KCNIP4: variants seen among roughly 807,000 people sequenced by gnomAD.
The protein encoded by KCNIP4 is Kv channel-interacting protein 4.
KCNIP4 carries 12 observed loss-of-function variants against 34.0 expected under a neutral mutation model. The observed-to-expected ratio is 0.35, with a 90% CI of 0.23 to 0.57. The LOEUF is 0.57. KCNIP4 is among the 20% of genes least tolerant of loss of function. The pLI is 0.83. For synonymous variants in KCNIP4, 124 were observed against 102.2 expected (o/e 1.21, Z -1.29); for missense variants, 238 against 311.7 (o/e 0.76, Z 1.78).
intron 1 of KCNIP4, among the ~76,000 whole-genome samples, chr4:21,367,289 G>C (rs948615855): frequency 6.6e-6 from 1 of 152,108 alleles, no homozygotes; most frequent in Non-Finnish European, 1.5e-5. Flanking sequence ...TAACATGCAT[G>C]GACTGGGAAA....
At chr4:20,903,074 A>G (rs74835572) in intron 1 of KCNIP4, among the ~76,000 whole-genome samples, 4,488 of 152,268 alleles carry the variant, frequency 0.029, 80 homozygotes, top group Non-Finnish European at 0.043. Flanking sequence ...GTAAAAATAT[A>G]TGAGGCCTAT....
intron 1 of KCNIP4, among the ~76,000 whole-genome samples, chr4:21,694,251 G>C (rs1422029321): frequency 6.6e-6 from 1 of 152,026 alleles, no homozygotes; most frequent in Non-Finnish European, 1.5e-5. Context: ...CATTTATTTA[G>C]GTGTACAAGA....
chr4:21,426,419 C>T (rs920334715), intron 1 of KCNIP4, among the ~76,000 whole-genome samples: 1 of 152,070 alleles, frequency 6.6e-6, no homozygotes, highest in African/African-American at 2.4e-5. Flanking sequence ...GTAAATGACA[C>T]CTTAATAAAG....
At chr4:21,276,003 C>A (rs1463963836) in intron 1 of KCNIP4, among the ~76,000 whole-genome samples, 1 of 152,198 alleles carries the variant, frequency 6.6e-6, no homozygotes, top group African/African-American at 2.4e-5. Flanking sequence ...AAAGTTTACA[C>A]ATTTGTGTTG....
chr4:21,804,592 G>A (rs895457279), intron 1 of KCNIP4, among the ~76,000 whole-genome samples: 2 of 151,978 alleles, frequency 1.3e-5, no homozygotes, highest in Admixed American at 6.6e-5. Context: ...CATGTTTGGG[G>A]GATAACATTT....
intron 1 of KCNIP4, among the ~76,000 whole-genome samples, chr4:21,600,612 C>T (rs1210909533): frequency 6.6e-6 from 1 of 151,908 alleles, no homozygotes; most frequent in Non-Finnish European, 1.5e-5. Flanking sequence ...ATACTTGTAC[C>T]CACTAATCAA....
chr4:21,666,998 A>T (rs1749021279), intron 1 of KCNIP4, among the ~76,000 whole-genome samples: 2 of 152,242 alleles, frequency 1.3e-5, no homozygotes, highest in African/African-American at 4.8e-5. Context: ...TTAAAAAATC[A>T]TCAATTACCA....
intron 1 of KCNIP4, among the ~76,000 whole-genome samples, chr4:21,140,431 T>C (rs550272726): frequency 2.2e-4 from 33 of 152,296 alleles, no homozygotes; most frequent in African/African-American, 7.9e-4. Context: ...TTCCTCTGTG[T>C]TTAGAGTACT....
intron 1 of KCNIP4, among the ~76,000 whole-genome samples, chr4:21,404,509 C>A (rs951177459): frequency 6.6e-6 from 1 of 152,066 alleles, no homozygotes; most frequent in Non-Finnish European, 1.5e-5. Context: ...AGTATTTTTT[C>A]TATTCCCAAG....
chr4:21,890,213 C>A (rs1363773421), intron 1 of KCNIP4, among the ~76,000 whole-genome samples: 1 of 152,092 alleles, frequency 6.6e-6, no homozygotes, highest in African/African-American at 2.4e-5. Context: ...AGGTGAAAAG[C>A]AATTAAAATG....
At chr4:20,762,878 C>T (rs1448440821) in intron 3 of KCNIP4, among the ~76,000 whole-genome samples, 1 of 152,108 alleles carries the variant, frequency 6.6e-6, no homozygotes, top group Non-Finnish European at 1.5e-5. Flanking sequence ...AGGTCAGCAT[C>T]CCTGGGAAGG....
chr4:20,923,245 G>T (rs1322590743), intron 1 of KCNIP4, among the ~76,000 whole-genome samples: 1 of 152,130 alleles, frequency 6.6e-6, no homozygotes, highest in African/African-American at 2.4e-5. Flanking sequence ...AACACTTTAA[G>T]TCACACCTGG....
intron 1 of KCNIP4, among the ~76,000 whole-genome samples, chr4:21,830,055 G>C (rs534329699): frequency 6.6e-6 from 1 of 152,014 alleles, no homozygotes; most frequent in African/African-American, 2.4e-5. Flanking sequence ...TAAAGTAGCC[G>C]AAGGAATAAA....
At chr4:21,763,451 T>C (rs77287284) in intron 1 of KCNIP4, among the ~76,000 whole-genome samples, 29 of 152,168 alleles carry the variant, frequency 1.9e-4, no homozygotes, top group Non-Finnish European at 3.2e-4. Context: ...GGATAGAATT[T>C]TGAACATGAT....
intron 3 of KCNIP4, among the ~76,000 whole-genome samples, chr4:20,802,123 C>CTA (rs767562739): frequency 7.3e-6 from 1 of 137,206 alleles, no homozygotes; most frequent in East Asian, 2.0e-4. Context: ...TATATATATG[C>CTA]TATATATATG....
intron 1 of KCNIP4, among the ~76,000 whole-genome samples, chr4:21,414,261 A>G (rs1724759329): frequency 6.6e-6 from 1 of 152,230 alleles, no homozygotes; most frequent in Non-Finnish European, 1.5e-5. Flanking sequence ...GGAGATGTAT[A>G]CATATCTTAG....
intron 1 of KCNIP4, among the ~76,000 whole-genome samples, chr4:21,786,042 G>A (rs574814674): frequency 2.6e-5 from 4 of 152,288 alleles, no homozygotes; most frequent in Admixed American, 1.3e-4. Flanking sequence ...TCCGCCTCTC[G>A]ATTTCAAGCG....
chr4:20,950,878 C>G (rs1270740767), intron 1 of KCNIP4, among the ~76,000 whole-genome samples: 1 of 151,880 alleles, frequency 6.6e-6, no homozygotes, highest in Non-Finnish European at 1.5e-5. Flanking sequence ...TTTTTTTCTT[C>G]CCCCATTCTC....
chr4:21,289,802 A>G (rs1763329389), intron 1 of KCNIP4, among the ~76,000 whole-genome samples: 1 of 152,164 alleles, frequency 6.6e-6, no homozygotes, highest in Non-Finnish European at 1.5e-5. Flanking sequence ...TGCTAGGGAA[A>G]TAAAATGGAA....
Sources: allele counts gnomAD v4.1 joint callset (sites outside exome capture counted in the v4.1 genomes callset), GRCh38; gene constraint gnomAD v4.1.1; transcripts MANE v1.5; gene names NCBI Gene and HGNC (gene_info 2026-07-23, HGNC 2026-07-21).